FMR1: variants seen among roughly 807,000 people sequenced by gnomAD.
FMR1 encodes FMRP translational regulator 1.
FMR1 carries 13 observed loss-of-function variants against 50.6 expected under a neutral mutation model. That is an observed-to-expected ratio of 0.26 (90% CI 0.17 to 0.41). The LOEUF (loss-of-function observed/expected upper bound fraction) is 0.41, where lower values mean the gene tolerates loss of function less well. Ranked by LOEUF, FMR1 falls within the 10% of genes least tolerant of loss-of-function variation. The probability of loss-of-function intolerance (pLI) is 1.00; values close to 1 mark genes in which losing one functional copy is unlikely to be tolerated. For synonymous variants in FMR1, 138 were observed against 164.1 expected (o/e 0.84, Z 1.22); for missense variants, 316 against 491.3 (o/e 0.64, Z 3.37).
Position 147,950,367 on chromosome X carries a change from A to T in FMR1, c.*1523A>T. ...TTTTAAAAAGTATTGCCAAACATTA[A>T]TGTTGATTTCTAGTTATTTATTCTG... On this transcript the variant is annotated 3_prime_UTR_variant, in exon 17 of 17. Coordinates refer to ENST00000370475, the MANE Select transcript of FMR1 (RefSeq NM_002024.6). 1 of 329,405 alleles carries T rather than the reference A, an allele frequency of 3.0e-6. No individual in the cohort carries two copies. Among genetic ancestry groups the T allele is most frequent in the South Asian group, 2.6e-5 (1 of 38,419 alleles). 27.1% of individuals were successfully genotyped at this position (329,405 alleles called of 1,213,427 possible). A position where few individuals can be genotyped will look rare whatever the true frequency, so the allele number is the denominator to read the frequency against.
chrX:147,943,444 C>A, intron 14 of FMR1, 118 bp downstream of exon 14: 1 of 651,441 alleles, frequency 1.5e-6, no homozygotes, highest in Non-Finnish European at 2.5e-6. Flanking sequence ...TTCCAATTCA[C>A]AGTGGGTTAA....
chrX:147,917,140 T>A (rs1161775536), intron 1 of FMR1, among the ~76,000 whole-genome samples: 11 of 112,321 alleles, frequency 9.8e-5, no homozygotes, highest in Non-Finnish European at 1.7e-4. Flanking sequence ...ACTGATGATG[T>A]TGTAGTTATG....
At chrX:147,933,294 A>C (rs1341284884) in intron 9 of FMR1, 1 of 370,257 alleles carries the variant, frequency 2.7e-6, no homozygotes, top group East Asian at 5.1e-5. Context: ...AAATTAAATA[A>C]TTTTTCAAAA....
Position 147,949,343 on chromosome X carries a change from A to C in FMR1, c.*499A>C, listed in dbSNP as rs1557182905. ...TTTAGTGGACCCTGAAATGTGTGTG[A>C]TGTGACATTTGTCATTTTCATTAGC... is the stretch of plus-strand genomic sequence containing the variant. On this transcript the variant is annotated 3_prime_UTR_variant, in exon 17 of 17. Transcript: ENST00000370475. 6.1e-6 allele frequency: 2 copies of C among 329,348 alleles called. No homozygotes were observed. The highest frequency in any genetic ancestry group is 5.2e-5 in the South Asian group (2 of 38,442). The allele number at this position is 329,348 out of a possible 1,213,427, so 27.1% of individuals were successfully genotyped here.
At chrX:147,912,751 CTG>C (rs2042656334) in intron 1 of FMR1, 2 of 295,934 alleles carry the variant, frequency 6.8e-6, no homozygotes, top group South Asian at 4.1e-4. Flanking sequence ...GAGAGCTCCA[CTG>C]TTCTGGGCGA....
rs782561489 is a variant in FMR1 at position 147,912,075 on chromosome X, C to CGGA, written c.-103_-102insAGG. On this transcript the variant is annotated 5_prime_UTR_variant, in exon 1 of 17. Transcript: ENST00000370475. ...GCGGCGGCGGCGGCGGCGGCGGCGG[C>CGGA]GGCGGAGGCGGCGGCGGCGGCGGCG... The CGGA allele has an allele frequency of 8.6e-4, 280 of 325,613 alleles. No individual in the cohort carries two copies. In the Middle Eastern group the frequency reaches 9.7e-3, roughly 11 times the overall value. 26.8% of individuals were successfully genotyped at this position (325,613 alleles called of 1,213,427 possible).
rs782440586 is a variant in FMR1, at chrX:147,945,598, A to T, written c.1719A>T (p.Thr573=). The T allele has an allele frequency of 8.3e-7, 1 of 1,200,539 alleles. No individual in the cohort carries two copies. Residue 573 remains threonine, a synonymous_variant, in exon 16 of 17, where the codon ACA becomes ACT. Coordinates refer to ENST00000370475, the MANE Select transcript of FMR1 (RefSeq NM_002024.6). ...PRNPREAKGR[T]TDGSLQIRVD... ...ATCCAAGAGAGGCTAAAGGAAGAAC[A>T]ACAGATGGATCCCTTCAGGTAAAAC...
Position 147,949,603 on chromosome X carries a change from A to G in FMR1, c.*759A>G, listed in dbSNP as rs1251540152. 1 of 327,493 alleles carries G rather than the reference A, an allele frequency of 3.1e-6. No homozygotes were observed. Among genetic ancestry groups the G allele is most frequent in the African/African-American group, 2.7e-5 (1 of 37,465 alleles). 27.0% of individuals were successfully genotyped at this position (327,493 alleles called of 1,213,427 possible). On this transcript the variant is annotated 3_prime_UTR_variant, in exon 17 of 17. Transcript: ENST00000370475. Reference sequence around the variant, plus strand: ...CTTGTTTTTGTTTTTGTTTTGTTGCACTGAAGTTTGATAAATAGTGTTATT... The same window carrying G: ...CTTGTTTTTGTTTTTGTTTTGTTGCGCTGAAGTTTGATAAATAGTGTTATT...
At chrX:147,939,374 C>T (rs2043900917) in intron 12 of FMR1, among the ~76,000 whole-genome samples, 1 of 110,732 alleles carries the variant, frequency 9.0e-6, no homozygotes, top group African/African-American at 3.3e-5. Context: ...TCAAACTTTC[C>T]TTGTGATTCA....
chrX:147,932,366 A>G, intron 7 of FMR1, 59 bp from the exon 8 acceptor site: 1 of 1,077,844 alleles, frequency 9.3e-7, no homozygotes, highest in Non-Finnish European at 1.3e-6. Context: ...TGGCTGGCCT[A>G]AATACAGTTG....
intron 16 of FMR1, 167 bp downstream of exon 16, chrX:147,945,783 C>G (rs1407814163): frequency 1.1e-5 from 5 of 465,386 alleles, no homozygotes; most frequent in Non-Finnish European, 1.9e-5. Flanking sequence ...TTCTTTGTGA[C>G]AAGTATACAA....
At chrX:147,925,472 C>T in intron 2 of FMR1, 68 bp from the exon 3 acceptor site, 1 of 815,098 alleles carries the variant, frequency 1.2e-6, no homozygotes, top group Non-Finnish European at 1.9e-6. Flanking sequence ...AAGTTGATGG[C>T]AGAGTGGTCA....
intron 12 of FMR1, chrX:147,940,160 C>CAAAAAAAAAAAAAAAAAAA (rs782591628): frequency 3.3e-5 from 1 of 30,508 alleles, no homozygotes; most frequent in African/African-American, 1.4e-4. Context: ...GACTCCGTCT[C>CAAAAAAAAAAAAAAAAAAA]AAAAAAAAAA....
chrX:147,944,528 C>T lies in FMR1; in HGVS notation c.1472-341C>T, dbSNP rs1455749806. The T allele has an allele frequency of 1.2e-5, 9 of 751,571 alleles. No individual in the cohort carries two copies. In the African/African-American group the frequency reaches 1.6e-4, roughly 14 times the overall value. The allele number at this position is 751,571 out of a possible 1,213,427, so 61.9% of individuals were successfully genotyped here. A position where few individuals can be genotyped will look rare whatever the true frequency, so the allele number is the denominator to read the frequency against. On this transcript the variant is annotated intron_variant, in intron 14 of 16. Transcript: ENST00000370475. Reference sequence around the variant, plus strand: ...TTATCAGGGTATCACACTTAACTGTCGTGGATAATCTTTTCCTCCAGAGAG... The same window carrying T: ...TTATCAGGGTATCACACTTAACTGTTGTGGATAATCTTTTCCTCCAGAGAG...
At chrX:147,924,467 T>TTGTGTGTGTGTGTGTGTG (rs3999731) in intron 2 of FMR1, among the ~76,000 whole-genome samples, 2 of 91,085 alleles carry the variant, frequency 2.2e-5, no homozygotes, top group South Asian at 1.1e-3. Flanking sequence ...AGTATTTTAT[T>TTGTGTGTGTGTGTGTGTG]TGTGTGTGTG....
At position 147,949,919 on chromosome X, in the gene FMR1, A is replaced by G. The variant is rs782665287; in HGVS notation, c.*1075A>G. On this transcript the variant is annotated 3_prime_UTR_variant, in exon 17 of 17. Transcript: ENST00000370475. ...CCTGCAAAGTACAGGTACTTTGTCTAAGAAACATTGGAAGCAGGTTAAATG... is the reference window on the plus strand; with the variant it reads ...CCTGCAAAGTACAGGTACTTTGTCTGAGAAACATTGGAAGCAGGTTAAATG... 20 of 325,675 alleles carry G rather than the reference A, an allele frequency of 6.1e-5. No individual in the cohort carries two copies. The highest frequency in any genetic ancestry group is 5.1e-4 in the South Asian group (19 of 37,272). 26.8% of individuals were successfully genotyped at this position (325,675 alleles called of 1,213,427 possible). A position where few individuals can be genotyped will look rare whatever the true frequency, so the allele number is the denominator to read the frequency against.
intron 1 of FMR1, among the ~76,000 whole-genome samples, chrX:147,918,042 C>T (rs1366462756): frequency 1.8e-5 from 2 of 111,830 alleles, no homozygotes; most frequent in African/African-American, 6.5e-5. Context: ...TCTCTACAGA[C>T]ATCAGCTTTG....
chrX:147,921,384 C>T (rs1286694049), intron 1 of FMR1, among the ~76,000 whole-genome samples: 1 of 110,751 alleles, frequency 9.0e-6, no homozygotes, highest in Non-Finnish European at 1.9e-5. Flanking sequence ...GAACTTAATT[C>T]AACTCTAGTA....
At chrX:147,940,726 G>C in intron 13 of FMR1, 64 bp downstream of exon 13, 1 of 749,208 alleles carries the variant, frequency 1.3e-6, no homozygotes, top group Non-Finnish European at 2.1e-6. Flanking sequence ...CTTTATAGTA[G>C]ATCTTTCAGC....
Sources: allele counts gnomAD v4.1 joint callset (sites outside exome capture counted in the v4.1 genomes callset), GRCh38; gene constraint gnomAD v4.1.1; transcripts MANE v1.5; gene names NCBI Gene and HGNC (gene_info 2026-07-23, HGNC 2026-07-21).